SORCS2: variants seen among roughly 807,000 people sequenced by gnomAD.
The protein encoded by SORCS2 is sortilin related VPS10 domain containing receptor 2.
In SORCS2, 100 loss-of-function variants were observed where a neutral mutation model predicts 141.6. That is an observed-to-expected ratio of 0.71 (90% confidence interval 0.60 to 0.83). The LOEUF (loss-of-function observed/expected upper bound fraction) is 0.83. Among genes scored for constraint, SORCS2 ranks in the 40% least tolerant of loss-of-function variants. SORCS2 has a pLI of 0.00. For missense variants in SORCS2, 1,646 were observed against 1,560.2 expected (o/e 1.05, Z -0.93); for synonymous variants, 789 against 676.9 (o/e 1.17, Z -2.57).
intron 1 of SORCS2, among the ~76,000 whole-genome samples, chr4:7,321,709 G>T (rs1280670440): frequency 2.6e-5 from 4 of 152,228 alleles, no homozygotes; most frequent in African/African-American, 9.6e-5. Context: ...TGATGGGCAT[G>T]TGCTTTTGGA....
chr4:7,517,947 C>T (rs1401369505), intron 2 of SORCS2, among the ~76,000 whole-genome samples: 1 of 152,216 alleles, frequency 6.6e-6, no homozygotes, highest in East Asian at 1.9e-4. Flanking sequence ...AATAATGCCA[C>T]ACACGCTGGA....
intron 1 of SORCS2, among the ~76,000 whole-genome samples, chr4:7,253,974 T>C (rs1713675617): frequency 6.6e-6 from 1 of 152,138 alleles, no homozygotes; most frequent in South Asian, 2.1e-4. Context: ...CACAATAAGA[T>C]ATCATCTCAC....
At chr4:7,226,370 C>T (rs574545108) in intron 1 of SORCS2, among the ~76,000 whole-genome samples, 3 of 152,294 alleles carry the variant, frequency 2.0e-5, no homozygotes, top group East Asian at 3.9e-4. Flanking sequence ...TGGACCTCTG[C>T]GTGTCCTTCC....
chr4:7,579,373 G>C (rs527531744), intron 3 of SORCS2, among the ~76,000 whole-genome samples: 3 of 152,208 alleles, frequency 2.0e-5, no homozygotes, highest in African/African-American at 2.4e-5. Flanking sequence ...GTGTGTGCAC[G>C]CACCTGTGTG....
At position 7,664,520 on chromosome 4, in the gene SORCS2, G is replaced by A. The variant is rs371377930; in HGVS notation, c.1071+49G>A. 58 of 1,390,738 alleles carry A rather than the reference G, an allele frequency of 4.2e-5. No homozygotes were observed. Among genetic ancestry groups the A allele is most frequent in the African/African-American group, 5.8e-5 (4 of 69,454 alleles). The allele number at this position is 1,390,738 out of a possible 1,614,324, so 86.1% of individuals were successfully genotyped here. A position where few individuals can be genotyped will look rare whatever the true frequency, so the allele number is the denominator to read the frequency against. The stretch of plus-strand genomic sequence containing the variant: ...GGAAATTGGCAACAGGTGACGTGGC[G>A]GATGACCCGTTCGCGGCAAAAATGG... On this transcript the variant is annotated intron_variant, in intron 7 of 26. Transcript: ENST00000507866. This position sits in a 1 kb window ranked among gnomAD's most constrained non-coding sequence, Gnocchi z 4.7.
intron 2 of SORCS2, among the ~76,000 whole-genome samples, chr4:7,414,568 G>T (rs144664511): frequency 0.034 from 5,179 of 152,286 alleles, 140 homozygotes; most frequent in Admixed American, 0.046. Context: ...CCACGAGGAA[G>T]GGGCTCGATT....
chr4:7,726,707 G>T, intron 20 of SORCS2, 73 bp from the exon 21 acceptor site: 1 of 1,558,382 alleles, frequency 6.4e-7, no homozygotes, highest in East Asian at 2.3e-5. Context: ...GTGAGGCAGC[G>T]ACCATAGGCC....
At chr4:7,459,563 C>T (rs1577600169) in intron 2 of SORCS2, among the ~76,000 whole-genome samples, 2 of 152,152 alleles carry the variant, frequency 1.3e-5, no homozygotes, top group African/African-American at 4.8e-5. Context: ...GATGATGATG[C>T]CACGATGCCT....
intron 1 of SORCS2, among the ~76,000 whole-genome samples, chr4:7,327,780 A>G (rs1226197557): frequency 6.6e-6 from 1 of 152,042 alleles, no homozygotes; most frequent in Non-Finnish European, 1.5e-5. Flanking sequence ...TCCTGAGTGC[A>G]TGAGGGCTTG....
chr4:7,547,315 C>T (rs1376158523), intron 3 of SORCS2, among the ~76,000 whole-genome samples: 1 of 152,214 alleles, frequency 6.6e-6, no homozygotes, highest in Non-Finnish European at 1.5e-5. Flanking sequence ...CACGGTCACC[C>T]TGGTCTTCCC....
chr4:7,434,428 C>T, intron 2 of SORCS2: 1 of 1,609,202 alleles, frequency 6.2e-7, no homozygotes, highest in Non-Finnish European at 8.5e-7. Context: ...GGAGAGTGGC[C>T]TCAGGGTGGC....
chr4:7,397,166 C>T (rs1163044161), intron 2 of SORCS2, among the ~76,000 whole-genome samples: 2 of 152,220 alleles, frequency 1.3e-5, no homozygotes, highest in African/African-American at 2.4e-5. Context: ...CCTCTACCTG[C>T]TGATCAGGAC....
rs62290664 is a variant in SORCS2 at position 7,644,987 on chromosome 4, G to A, written c.813+6495G>A. 6.4e-3 allele frequency among the ~76,000 whole-genome samples: 971 copies of A among 152,338 alleles called. 6 individuals carry two copies. The highest frequency in any genetic ancestry group is 0.017 in the Middle Eastern group (5 of 294). On this transcript the variant is annotated intron_variant, in intron 4 of 26. Transcript: ENST00000507866. Reference sequence around the variant, plus strand: ...GCAATTGATGGTGGATAGTAAAAGCGCCTCCCAGGAGAGTGAGTTGGAAAG... The same window carrying A: ...GCAATTGATGGTGGATAGTAAAAGCACCTCCCAGGAGAGTGAGTTGGAAAG...
chr4:7,416,076 G>C (rs1725646594), intron 2 of SORCS2, among the ~76,000 whole-genome samples: 1 of 152,210 alleles, frequency 6.6e-6, no homozygotes, highest in South Asian at 2.1e-4. Context: ...GAGGAGGATG[G>C]CAGGGGAGTG....
chr4:7,445,162 C>A (rs1347274095), intron 2 of SORCS2, among the ~76,000 whole-genome samples: 1 of 152,208 alleles, frequency 6.6e-6, no homozygotes, highest in African/African-American at 2.4e-5. Context: ...CAGATGGAGA[C>A]CTCAGGGCCA....
intron 1 of SORCS2, among the ~76,000 whole-genome samples, chr4:7,377,124 T>C (rs4434253): frequency 0.7 from 105,981 of 151,870 alleles, 37,274 homozygotes; most frequent in East Asian, 0.94. Context: ...CAAATATTTG[T>C]TCATGTCACA....
At chr4:7,472,866 G>C (rs1730061758) in intron 2 of SORCS2, among the ~76,000 whole-genome samples, 1 of 151,962 alleles carries the variant, frequency 6.6e-6, no homozygotes, top group African/African-American at 2.4e-5. Context: ...CCTTCGCTCA[G>C]ATGGTGAAGA....
intron 26 of SORCS2, among the ~76,000 whole-genome samples, chr4:7,738,685 G>A (rs140945709): frequency 6.0e-4 from 92 of 152,258 alleles, no homozygotes; most frequent in African/African-American, 2.1e-3. Flanking sequence ...CTCTGCATCC[G>A]GGACATCCTC....
At chr4:7,345,720 G>A (rs1233561289) in intron 1 of SORCS2, among the ~76,000 whole-genome samples, 1 of 152,152 alleles carries the variant, frequency 6.6e-6, no homozygotes, top group African/African-American at 2.4e-5. Flanking sequence ...TCTTGGGGTG[G>A]AATCCAAGCA....
Sources: gnomAD v4.1 joint callset for allele counts (sites outside exome capture counted in the v4.1 genomes callset) on GRCh38, gnomAD v4.1.1 for gene constraint, Gnocchi (gnomAD v3.1) non-coding constraint, MANE v1.5 for transcripts, NCBI Gene and HGNC (gene_info 2026-07-23, HGNC 2026-07-21) for gene names.